CCDC125: variants seen among roughly 807,000 people sequenced by gnomAD.
The protein encoded by CCDC125 is coiled-coil domain-containing protein 125.
Under a neutral mutation model 57.4 loss-of-function variants are expected in CCDC125, and 43 were observed. The observed-to-expected ratio is 0.75, with a 90% CI of 0.59 to 0.97. The LOEUF is 0.97. CCDC125 is among the 50% of genes least tolerant of loss of function. CCDC125 has a pLI of 0.00. For synonymous variants in CCDC125, 187 were observed against 195.2 expected, an observed-to-expected ratio of 0.96 and a Z score of 0.35; for missense variants, 563 against 595.7, an observed-to-expected ratio of 0.95 and a Z score of 0.57.
intron 8 of CCDC125, among the ~76,000 whole-genome samples, chr5:69,296,572 C>T (rs186245973): frequency 1.5e-4 from 22 of 151,602 alleles, no homozygotes; most frequent in African/African-American, 5.3e-4. Context: ...AAATAATAAA[C>T]TAGATTCTGA....
At chr5:69,316,656 T>A (rs1351935068) in intron 2 of CCDC125, among the ~76,000 whole-genome samples, 1 of 152,062 alleles carries the variant, frequency 6.6e-6, no homozygotes, top group African/African-American at 2.4e-5. Context: ...GGACTACAGG[T>A]GCACACTACT....
At chr5:69,285,877 T>A (rs952244775) in intron 10 of CCDC125, among the ~76,000 whole-genome samples, 6 of 152,070 alleles carry the variant, frequency 3.9e-5, no homozygotes, top group African/African-American at 1.4e-4. Flanking sequence ...CCATGCAAAC[T>A]CTGCTTCCGA....
Position 69,282,607 on chromosome 5 carries a change from C to T in CCDC125, c.*122G>A. On this transcript the variant is annotated 3_prime_UTR_variant, in exon 12 of 12. Coordinates refer to ENST00000396496, the MANE Select transcript of CCDC125 (RefSeq NM_176816.5). ...AGAAAATATTTGATTTAAGTGACCT[C>T]CTAAAATTTAGAAATACCTAGGAAA... is the stretch of plus-strand genomic sequence containing the variant. The T allele has an allele frequency of 1.3e-6, 1 of 758,932 alleles. No individual in the cohort carries two copies. The highest frequency in any genetic ancestry group is 2.1e-6 in the Non-Finnish European group (1 of 478,362). The allele number at this position is 758,932 out of a possible 1,614,324, so 47.0% of individuals were successfully genotyped here. A position where few individuals can be genotyped will look rare whatever the true frequency, so the allele number is the denominator to read the frequency against.
chr5:69,285,908 A>G (rs1346775410), intron 10 of CCDC125, among the ~76,000 whole-genome samples: 3 of 152,034 alleles, frequency 2.0e-5, no homozygotes, highest in Admixed American at 2.0e-4. Context: ...CCTGGACTTG[A>G]ATCCTCATTC....
At chr5:69,285,310 C>A (rs1371290591) in intron 11 of CCDC125, 27 bp downstream of exon 11, 1 of 1,609,448 alleles carries the variant, frequency 6.2e-7, no homozygotes, top group Non-Finnish European at 8.5e-7. Context: ...TTAACCATAA[C>A]CTGCAAAAAA....
intron 11 of CCDC125, among the ~76,000 whole-genome samples, chr5:69,283,651 T>G (rs1018941286): frequency 1.3e-4 from 20 of 151,594 alleles, no homozygotes; most frequent in Non-Finnish European, 2.5e-4. Context: ...CCGAGTAGAG[T>G]AGCTGGGACT....
chr5:69,307,837 C>G (rs949498439), intron 5 of CCDC125, 114 bp downstream of exon 5: 2 of 748,246 alleles, frequency 2.7e-6, no homozygotes, highest in Non-Finnish European at 2.3e-6. Flanking sequence ...AGAACTGAAG[C>G]ACACCTAGCA....
At chr5:69,286,225 TATATA>T (rs1753387804) in intron 10 of CCDC125, among the ~76,000 whole-genome samples, 1 of 111,466 alleles carries the variant, frequency 9.0e-6, no homozygotes, top group African/African-American at 3.5e-5. Context: ...TATATATATA[TATATA>T]TATAATTTTT....
chr5:69,290,976 T>A (rs537180665), intron 10 of CCDC125, among the ~76,000 whole-genome samples: 9 of 152,178 alleles, frequency 5.9e-5, no homozygotes, highest in Non-Finnish European at 8.8e-5. Context: ...TCCCCTAAGA[T>A]CATTTTAAAT....
chr5:69,274,907 C>T, the CCDC125 span, among the ~76,000 whole-genome samples: 25 of 152,176 alleles, frequency 1.6e-4, no homozygotes, highest in Admixed American at 5.2e-4. Context: ...TGAGCCACCC[C>T]GCCCTGCCAG....
In CCDC125 at chr5:69,282,663, A is replaced by T; in HGVS notation, c.*66T>A. The T allele has an allele frequency of 7.3e-7, 1 of 1,373,394 alleles. No individual in the cohort carries two copies. The highest frequency in any genetic ancestry group is 9.9e-7 in the Non-Finnish European group (1 of 1,014,934). The allele number at this position is 1,373,394 out of a possible 1,614,324, so 85.1% of individuals were successfully genotyped here. On this transcript the variant is annotated 3_prime_UTR_variant, in exon 12 of 12. Coordinates refer to ENST00000396496, the MANE Select transcript of CCDC125 (RefSeq NM_176816.5). The stretch of plus-strand genomic sequence containing the variant: ...AACTTCTCAAGATGCAGCAAAATTT[A>T]CAAAATCATTTTTCAAAGTATCTCG...
At chr5:69,326,677 C>A (rs1005611565) in intron 1 of CCDC125, among the ~76,000 whole-genome samples, 1 of 152,096 alleles carries the variant, frequency 6.6e-6, no homozygotes, top group Non-Finnish European at 1.5e-5. Flanking sequence ...CATGGGTACG[C>A]CTTCCTGCTA....
At chr5:69,278,502 C>T (rs3934529), downstream of CCDC125, among the ~76,000 whole-genome samples, 17,408 of 151,916 alleles carry the variant, frequency 0.11, 1,208 homozygotes, top group South Asian at 0.19. Context: ...TGTGAGCCAC[C>T]GCGCCCAGCC....
chr5:69,278,214 AT>A (rs1554068144), downstream of CCDC125, among the ~76,000 whole-genome samples: 12 of 148,222 alleles, frequency 8.1e-5, no homozygotes, highest in East Asian at 2.4e-3. Flanking sequence ...ACTTTATTTT[AT>A]TTTTTTTTGA....
intron 8 of CCDC125, among the ~76,000 whole-genome samples, chr5:69,296,164 G>A (rs1462595154): frequency 6.6e-6 from 1 of 151,996 alleles, no homozygotes; most frequent in Non-Finnish European, 1.5e-5. Flanking sequence ...TTACAGGCAT[G>A]AGCCATCGCA....
the CCDC125 span, among the ~76,000 whole-genome samples, chr5:69,275,085 G>A: frequency 2.2e-4 from 33 of 149,190 alleles, no homozygotes; most frequent in Admixed American, 1.5e-3. Context: ...AAAAAGACAA[G>A]CATGACCTGA....
chr5:69,277,626 T>C (rs1317338457), downstream of CCDC125, among the ~76,000 whole-genome samples: 2 of 151,828 alleles, frequency 1.3e-5, no homozygotes, highest in East Asian at 1.9e-4. Context: ...AAAAATTAGC[T>C]GGGCGTGGTG....
chr5:69,326,492 G>A (rs1323380391), intron 1 of CCDC125, among the ~76,000 whole-genome samples: 2 of 152,086 alleles, frequency 1.3e-5, no homozygotes, highest in Non-Finnish European at 2.9e-5. Flanking sequence ...GTAGACTCCT[G>A]CTTGTTAAGG....
At chr5:69,285,837 CAT>C (rs1333670958) in intron 10 of CCDC125, among the ~76,000 whole-genome samples, 1 of 152,168 alleles carries the variant, frequency 6.6e-6, no homozygotes, top group Non-Finnish European at 1.5e-5. Flanking sequence ...CCTAACAAAA[CAT>C]GTCTGCAGGC....
Sources: allele counts gnomAD v4.1 joint callset (sites outside exome capture counted in the v4.1 genomes callset), GRCh38; gene constraint gnomAD v4.1.1; transcripts MANE v1.5; gene names NCBI Gene and HGNC (gene_info 2026-07-23, HGNC 2026-07-21).